Variants in PRICKLE2 observed in about 807,000 individuals in gnomAD.
The protein encoded by PRICKLE2 is prickle-like protein 2.
PRICKLE2 carries 21 observed loss-of-function variants against 81.4 expected under a neutral mutation model. The observed-to-expected ratio is 0.26, with a 90% confidence interval of 0.18 to 0.37. The LOEUF (loss-of-function observed/expected upper bound fraction) is 0.37, where lower values mean the gene tolerates loss of function less well. Among genes scored for constraint, PRICKLE2 ranks in the 10% least tolerant of loss-of-function variants. PRICKLE2 has a pLI of 1.00. For missense variants in PRICKLE2, 940 were observed against 1,109.0 expected (o/e 0.85, Z 2.16); for synonymous variants, 456 against 421.5 (o/e 1.08, Z -1.00).
rs144465230 is a variant in PRICKLE2 at position 64,230,840 on chromosome 3, A to T, written c.129-31873T>A. On this transcript the variant is annotated intron_variant, in intron 2 of 8. Transcript: ENST00000295902. ...AAGTACTGTGTAGAGTACCTAGCATATAGTAGGTGTTAAATCAATATTATT... is the reference window on the plus strand; with the variant it reads ...AAGTACTGTGTAGAGTACCTAGCATTTAGTAGGTGTTAAATCAATATTATT... Among the ~76,000 whole-genome samples the T allele has an allele frequency of 2.3e-3, 351 of 152,328 alleles. 1 individual carries two copies. The highest frequency in any genetic ancestry group is 3.3e-3 in the African/African-American group (136 of 41,572).
chr3:64,151,089 G>A (rs1052843177), intron 6 of PRICKLE2, among the ~76,000 whole-genome samples: 8 of 152,158 alleles, frequency 5.3e-5, no homozygotes, highest in South Asian at 2.1e-4. Flanking sequence ...CAAAAGTACC[G>A]TTGCCCTAGC....
In PRICKLE2 at chr3:64,146,852, G is replaced by A. The variant is rs781030262; in HGVS notation, c.1638C>T (p.Ser546=). Residue 546 remains serine, a synonymous_variant, in exon 7 of 8, where the codon TCC becomes TCT. Coordinates refer to ENST00000638394, the MANE Select transcript of PRICKLE2 (RefSeq NM_198859.4). ...TEQTPRGSME[S]LALSNATGLS... ...TACCTGTTGCATTAGACAGGGCCAG[G>A]GATTCCATGGAGCCCCGAGGGGTCT... is the stretch of plus-strand genomic sequence containing the variant. 1.9e-6 allele frequency: 3 copies of A among 1,614,108 alleles called. No homozygotes were observed. The highest frequency in any genetic ancestry group is 1.7e-6 in the Non-Finnish European group (2 of 1,180,016).
At chr3:64,146,131 G>A (rs1426544663) in intron 7 of PRICKLE2, 1 of 152,586 alleles carries the variant, frequency 6.6e-6, no homozygotes, top group Admixed American at 6.5e-5. Context: ...TAACACGATG[G>A]TACAAAACAT....
Position 64,094,280 on chromosome 3 carries a change from T to C in PRICKLE2, c.*4771A>G, listed in dbSNP as rs1438624285. On this transcript the variant is annotated 3_prime_UTR_variant, in exon 8 of 8. Transcript: ENST00000638394. ...AGAATCATGACACTTTATGGAAAGA[T>C]ATGAAAATCAACTAGGTAGGTTTAA... 1.3e-5 allele frequency: 2 copies of C among 152,214 alleles called. No individual in the cohort carries two copies. The highest frequency in any genetic ancestry group is 4.8e-5 in the African/African-American group (2 of 41,450). 9.4% of individuals were successfully genotyped at this position (152,214 alleles called of 1,614,324 possible). A position where few individuals can be genotyped will look rare whatever the true frequency, so the allele number is the denominator to read the frequency against.
chr3:64,181,399 T>G (rs2078130920), intron 2 of PRICKLE2, among the ~76,000 whole-genome samples: 1 of 152,188 alleles, frequency 6.6e-6, no homozygotes. Context: ...CTCATCCTCT[T>G]GCTATCACAG....
chr3:64,178,091 T>C (rs1280211583), intron 2 of PRICKLE2, among the ~76,000 whole-genome samples: 1 of 152,210 alleles, frequency 6.6e-6, no homozygotes, highest in African/African-American at 2.4e-5. Context: ...ATTATAACCA[T>C]CTTAGTAGGT....
chr3:64,138,448 A>G (rs1288689996), intron 7 of PRICKLE2, among the ~76,000 whole-genome samples: 1 of 152,208 alleles, frequency 6.6e-6, no homozygotes, highest in Non-Finnish European at 1.5e-5. Flanking sequence ...ATGTTGATGG[A>G]CATTGGTCTG....
At chr3:64,173,801 T>C (rs1414940251) in intron 2 of PRICKLE2, among the ~76,000 whole-genome samples, 1 of 152,214 alleles carries the variant, frequency 6.6e-6, no homozygotes, top group African/African-American at 2.4e-5. Flanking sequence ...TGACACATAC[T>C]TCAGAATAGT....
chr3:64,228,685 T>C (rs1048573829), upstream of PRICKLE2, among the ~76,000 whole-genome samples: 1 of 152,166 alleles, frequency 6.6e-6, no homozygotes, highest in Non-Finnish European at 1.5e-5. Flanking sequence ...GCAAACTTCA[T>C]GCGAGTAAAG....
chr3:64,180,725 G>T (rs187223244), intron 2 of PRICKLE2, among the ~76,000 whole-genome samples: 117 of 152,218 alleles, frequency 7.7e-4, no homozygotes, highest in African/African-American at 2.6e-3. Flanking sequence ...TAGAGACGGG[G>T]TTTCACCATG....
intron 7 of PRICKLE2, among the ~76,000 whole-genome samples, chr3:64,143,708 G>T (rs1048497049): frequency 3.3e-5 from 5 of 152,206 alleles, no homozygotes; most frequent in African/African-American, 4.8e-5. Context: ...AAGGGGTTAG[G>T]GGGAGGCCCA....
chr3:64,245,437 T>G (rs1366547461), intron 2 of PRICKLE2, among the ~76,000 whole-genome samples: 3 of 152,182 alleles, frequency 2.0e-5, no homozygotes, highest in Non-Finnish European at 4.4e-5. Context: ...AGACAGAGCA[T>G]TCAGAGTACT....
chr3:64,204,054 A>G (rs2078638132), intron 1 of PRICKLE2, among the ~76,000 whole-genome samples: 2 of 152,096 alleles, frequency 1.3e-5, no homozygotes, highest in South Asian at 2.1e-4. Context: ...AATAACTATC[A>G]AGCACTTACC....
chr3:64,223,202 G>GACAACA (rs770347983), intron 1 of PRICKLE2, among the ~76,000 whole-genome samples: 2 of 152,020 alleles, frequency 1.3e-5, no homozygotes, highest in Non-Finnish European at 2.9e-5. Flanking sequence ...TGGTAACAAT[G>GACAACA]ACAACAACAA....
intron 3 of PRICKLE2, among the ~76,000 whole-genome samples, chr3:64,162,491 C>T (rs1053539789): frequency 3.3e-5 from 5 of 152,132 alleles, no homozygotes; most frequent in Non-Finnish European, 7.4e-5. Context: ...AAAGAACAAC[C>T]TCAGCAAGTC....
At position 64,245,154 on chromosome 3, in the gene PRICKLE2, G is replaced by A. The variant is rs762705529; in HGVS notation, c.129-46187C>T. Reference sequence around the variant, plus strand: ...CTGGATAATGCTAGAATTTTTTTTCGATTTTTCCAAAGCTTGATTTAACAA... The same window carrying A: ...CTGGATAATGCTAGAATTTTTTTTCAATTTTTCCAAAGCTTGATTTAACAA... On this transcript the variant is annotated intron_variant, in intron 2 of 8. Coordinates refer to the PRICKLE2 transcript ENST00000295902. Among the ~76,000 whole-genome samples the A allele has an allele frequency of 4.0e-5, 6 of 151,754 alleles. No individual in the cohort carries two copies. The South Asian group carries it at 1.2e-3, about 31-fold the overall frequency.
intron 2 of PRICKLE2, among the ~76,000 whole-genome samples, chr3:64,240,084 C>T (rs545369247): frequency 2.0e-4 from 31 of 152,114 alleles, no homozygotes; most frequent in African/African-American, 6.3e-4. Context: ...GTTCACACCA[C>T]GGCACTCCAG....
chr3:64,099,514 C>A lies in PRICKLE2; in HGVS notation c.2072G>T (p.Arg691Leu), dbSNP rs1286579471. ...RFRPHRSRRS[R>L]RSRSDNALHL... is the part of the protein sequence containing the mutation. ...GAGGGCGTTGTCGGAGCGAGAGCGT[C>A]GGGAACGCCTGGACCTGTGAGGTCG... Residue 691 changes from arginine (R) to leucine (L), a missense_variant, in exon 8 of 8, where the codon CGA (arginine) becomes CTA (leucine). By Grantham distance (102) the Arg-to-Leu change is moderately radical. Transcript: ENST00000638394. The surrounding 1 kb of genome is among the most constrained non-coding windows in gnomAD (Gnocchi z 4.3). The A allele has an allele frequency of 5.0e-6, 8 of 1,601,004 alleles. No individual in the cohort carries two copies. The highest frequency in any genetic ancestry group is 6.8e-6 in the Non-Finnish European group (8 of 1,169,778).
intron 2 of PRICKLE2, among the ~76,000 whole-genome samples, chr3:64,251,034 T>C (rs144401119): frequency 2.6e-5 from 4 of 152,186 alleles, no homozygotes; most frequent in East Asian, 3.8e-4. Flanking sequence ...ATTAGACATA[T>C]CAGATCACGA....
Sources: allele counts gnomAD v4.1 joint callset (sites outside exome capture counted in the v4.1 genomes callset), GRCh38; gene constraint gnomAD v4.1.1; non-coding constraint Gnocchi (gnomAD v3.1); transcripts MANE v1.5; gene names NCBI Gene and HGNC (gene_info 2026-07-23, HGNC 2026-07-21).